The following ANKRD30B variants were observed in gnomAD, a reference collection of about 807,000 sequenced individuals.
ANKRD30B encodes ankyrin repeat domain 30B.
A neutral mutation model predicts 202.2 loss-of-function variants in ANKRD30B; 144 were observed. The ratio of observed to expected loss-of-function variants is 0.71; its 90% CI spans 0.62 to 0.82. ANKRD30B has a LOEUF of 0.82. Among genes scored for constraint, ANKRD30B ranks in the 40% least tolerant of loss-of-function variants. ANKRD30B has a pLI of 0.00. For synonymous variants in ANKRD30B, 508 were observed against 561.3 expected (o/e 0.91, Z 1.34); for missense variants, 1,487 against 1,669.1 (o/e 0.89, Z 1.90).
chr18:14,779,630 G>C (rs1967594578), intron 10 of ANKRD30B, among the ~76,000 whole-genome samples: 3 of 152,138 alleles, frequency 2.0e-5, no homozygotes, highest in Non-Finnish European at 4.4e-5. Flanking sequence ...GAGATGATAA[G>C]TAATTAAAGT....
intron 15 of ANKRD30B, among the ~76,000 whole-genome samples, chr18:14,790,262 C>T (rs549462911): frequency 6.6e-6 from 1 of 152,218 alleles, no homozygotes; most frequent in African/African-American, 2.4e-5. Context: ...TTTGCTGAAG[C>T]TGCTTATCAG....
At position 14,852,118 on chromosome 18, in the gene ANKRD30B, T is replaced by C. The variant is rs551685430; in HGVS notation, c.4174T>C (p.Cys1392Arg). 3.1e-6 allele frequency: 5 copies of C among 1,604,682 alleles called. No homozygotes were observed. In the African/African-American group the frequency reaches 4.0e-5, roughly 13 times the overall value. ...HAQRDRCETQ[C>R]QMKKAEHMYQ... The stretch of plus-strand genomic sequence containing the variant: ...ACAAAGAGACCGATGTGAAACACAG[T>C]GTCAAATGAAGAAAGCTGAACACAT... Residue 1392 changes from cysteine (C) to arginine (R), a missense_variant, in exon 42 of 44, where the codon TGT becomes CGT. Coordinates refer to ENST00000690538, the MANE Select transcript of ANKRD30B (RefSeq NM_001367607.2).
intron 36 of ANKRD30B, among the ~76,000 whole-genome samples, chr18:14,839,893 C>T (rs1971343649): frequency 6.6e-6 from 1 of 152,114 alleles, no homozygotes; most frequent in African/African-American, 2.4e-5. Context: ...TATAATTATG[C>T]ATATGTCAAA....
the ANKRD30B span, among the ~76,000 whole-genome samples, chr18:14,936,492 CGA>C: frequency 1.3e-5 from 2 of 152,106 alleles, no homozygotes; most frequent in African/African-American, 4.8e-5. Flanking sequence ...GGTGGAGAAA[CGA>C]GAGGCAGTGC....
the ANKRD30B span, among the ~76,000 whole-genome samples, chr18:14,879,199 A>G: frequency 1.3e-5 from 2 of 152,132 alleles, no homozygotes; most frequent in South Asian, 2.1e-4. Flanking sequence ...GCCCTGAATA[A>G]TCAGGGTCAG....
intron 28 of ANKRD30B, among the ~76,000 whole-genome samples, chr18:14,810,963 A>G (rs1011917825): frequency 6.6e-6 from 1 of 150,884 alleles, no homozygotes; most frequent in African/African-American, 2.4e-5. Flanking sequence ...AAAATAACAA[A>G]CAATAGCCGG....
chr18:14,905,248 C>T, the ANKRD30B span, among the ~76,000 whole-genome samples: 3 of 152,230 alleles, frequency 2.0e-5, no homozygotes, highest in East Asian at 3.8e-4. Context: ...TGTAGCTATT[C>T]TCTATTCCTT....
At position 14,787,060 on chromosome 18, in the gene ANKRD30B, C is replaced by T. The variant is rs776396493; in HGVS notation, c.1694C>T (p.Ser565Phe). The change falls in exon 15 of 44, where the codon TCC (serine) becomes TTC (phenylalanine). Residue 565 changes from serine (S) to phenylalanine (F), a missense_variant. Ser to Phe is a radical substitution (Grantham distance 155). This residue lies in a region of ANKRD30B where 889 missense variants were observed against 841.4 expected (regional missense o/e 1.06). Coordinates refer to ENST00000690538, the MANE Select transcript of ANKRD30B (RefSeq NM_001367607.2). Reference sequence around the variant, plus strand: ...ATAGCTCAGATGTTCCCATCAGAATCCAAACAAAAGGACGATGAAGAAAAT... The same window carrying T: ...ATAGCTCAGATGTTCCCATCAGAATTCAAACAAAAGGACGATGAAGAAAAT... Reference protein sequence around the residue: ...LRAAQMFPSESKQKDDEENSW... With the variant: ...LRAAQMFPSEFKQKDDEENSW... The T allele has an allele frequency of 6.2e-7, 1 of 1,609,544 alleles. No individual in the cohort carries two copies. Among genetic ancestry groups the T allele is most frequent in the Non-Finnish European group, 8.5e-7 (1 of 1,177,174 alleles).
rs995189766 is a variant in ANKRD30B, at chr18:14,760,356, T to G, written c.756-198T>G. On this transcript the variant is annotated intron_variant, in intron 5 of 43. Coordinates refer to ENST00000690538, the MANE Select transcript of ANKRD30B (RefSeq NM_001367607.2). Reference sequence around the variant, plus strand: ...TATACTGCCCTCAATTCATGAGTATTTCATCTTACTTTATTTATTATTTAA... The same window carrying G: ...TATACTGCCCTCAATTCATGAGTATGTCATCTTACTTTATTTATTATTTAA... 3.9e-5 allele frequency among the ~76,000 whole-genome samples: 6 copies of G among 152,182 alleles called. 1 individual carries two copies. Among genetic ancestry groups the G allele is most frequent in the Admixed American group, 3.3e-4 (5 of 15,268 alleles).
chr18:14,845,357 C>T (rs1349951373), intron 39 of ANKRD30B, among the ~76,000 whole-genome samples: 2 of 152,304 alleles, frequency 1.3e-5, no homozygotes, highest in African/African-American at 2.4e-5. Flanking sequence ...GAATTCTTTT[C>T]ACATTGCTTT....
the ANKRD30B span, among the ~76,000 whole-genome samples, chr18:14,939,806 A>T: frequency 8.5e-5 from 13 of 152,370 alleles, no homozygotes; most frequent in African/African-American, 2.4e-4. Flanking sequence ...AAAGCTAAAG[A>T]TGAGCTCCAG....
the ANKRD30B span, among the ~76,000 whole-genome samples, chr18:14,940,988 A>T: frequency 1.3e-5 from 2 of 152,120 alleles, no homozygotes; most frequent in Admixed American, 1.3e-4. Flanking sequence ...ACCTGAGCTT[A>T]GGGTCACCAG....
intron 23 of ANKRD30B, 84 bp from the exon 24 acceptor site, chr18:14,803,650 A>G (rs1414475679): frequency 2.7e-6 from 4 of 1,461,874 alleles, no homozygotes; most frequent in East Asian, 2.6e-5. Context: ...GTGTTTTTAG[A>G]AAAGATTTTA....
chr18:14,788,682 A>G (rs1038211292), intron 15 of ANKRD30B, among the ~76,000 whole-genome samples: 7 of 151,938 alleles, frequency 4.6e-5, no homozygotes, highest in African/African-American at 1.7e-4. Context: ...ACTGAGAATG[A>G]TGATTTCCAA....
At chr18:14,790,410 G>A (rs1216237617) in intron 15 of ANKRD30B, among the ~76,000 whole-genome samples, 3 of 152,144 alleles carry the variant, frequency 2.0e-5, no homozygotes, top group African/African-American at 7.2e-5. Context: ...GCCCTGGCCA[G>A]AACTTACAAC....
chr18:14,925,410 G>A, the ANKRD30B span, among the ~76,000 whole-genome samples: 1 of 152,200 alleles, frequency 6.6e-6, no homozygotes, highest in Non-Finnish European at 1.5e-5. Context: ...GGAGCTGTCC[G>A]GAAATGTCCA....
the ANKRD30B span, among the ~76,000 whole-genome samples, chr18:14,879,112 C>T: frequency 2.0e-5 from 3 of 152,052 alleles, no homozygotes; most frequent in African/African-American, 4.8e-5. Flanking sequence ...CTCCTCAGCA[C>T]AGACCTTGCG....
the ANKRD30B span, among the ~76,000 whole-genome samples, chr18:14,876,499 T>C: frequency 6.6e-6 from 1 of 152,234 alleles, no homozygotes; most frequent in Non-Finnish European, 1.5e-5. Context: ...ATTCTGCTCC[T>C]GATCTCATGG....
At chr18:14,785,376 T>C (rs1196941758) in intron 14 of ANKRD30B, among the ~76,000 whole-genome samples, 1 of 152,216 alleles carries the variant, frequency 6.6e-6, no homozygotes, top group Non-Finnish European at 1.5e-5. Context: ...ATTAACTGTG[T>C]TTTTAAATAT....
Sources: allele counts gnomAD v4.1 joint callset (sites outside exome capture counted in the v4.1 genomes callset), GRCh38; gene constraint gnomAD v4.1.1; regional missense constraint gnomAD v4.1.1; transcripts MANE v1.5; gene names NCBI Gene and HGNC (gene_info 2026-07-23, HGNC 2026-07-21).